KREMEN1: variants seen among roughly 807,000 people sequenced by gnomAD.
KREMEN1 encodes the protein kringle containing transmembrane protein 1, also known as kremen protein 1.
A neutral mutation model predicts 46.5 loss-of-function variants in KREMEN1; 30 were observed. The ratio of observed to expected loss-of-function variants is 0.65; its 90% CI spans 0.48 to 0.88. The LOEUF (loss-of-function observed/expected upper bound fraction) is 0.88, where lower values mean the gene tolerates loss of function less well. Ranked by LOEUF, KREMEN1 falls within the 40% of genes least tolerant of loss-of-function variation. KREMEN1 has a pLI of 0.00. For missense variants in KREMEN1, 533 were observed against 596.9 expected (o/e 0.89, Z 1.11); for synonymous variants, 214 against 230.6 (o/e 0.93, Z 0.65).
chr22:29,123,881 A>G (rs2038398009), intron 4 of KREMEN1, among the ~76,000 whole-genome samples: 1 of 152,226 alleles, frequency 6.6e-6, no homozygotes, highest in Non-Finnish European at 1.5e-5. Flanking sequence ...ATGAGATATC[A>G]CTACATACCT....
At position 29,137,196 on chromosome 22, in the gene KREMEN1, C is replaced by T. The variant is rs141921594; in HGVS notation, c.632-146C>T. On this transcript the variant is annotated intron_variant, in intron 5 of 8. Coordinates refer to ENST00000400335, the MANE Select transcript of KREMEN1 (RefSeq NM_001039570.3). The stretch of plus-strand genomic sequence containing the variant: ...TCATTTTTCGAGAGTCTCAGCGATT[C>T]GTTTTGTGACTGTCAGGTTTTACAG... 2,055 of 515,636 alleles carry T rather than the reference C, an allele frequency of 4.0e-3. 34 individuals carry two copies. The highest frequency in any genetic ancestry group is 0.036 in the African/African-American group (1,868 of 51,658). 31.9% of individuals were successfully genotyped at this position (515,636 alleles called of 1,614,324 possible). A position where few individuals can be genotyped will look rare whatever the true frequency, so the allele number is the denominator to read the frequency against.
Position 29,138,703 on chromosome 22 carries a change from CAG to C in KREMEN1, c.1045_1046del (p.Ser349CysfsTer65). On this transcript the variant is annotated frameshift_variant, in exon 7 of 9. Coordinates refer to ENST00000400335, the MANE Select transcript of KREMEN1 (RefSeq NM_001039570.3). LOFTEE classifies it high-confidence loss of function. ...AEVITEQANL[S>X]VSAARSSKVL... Reference sequence around the variant, plus strand: ...AGGTGATCACGGAGCAGGCCAACCTCAGTGTCAGCGCTGCCCGGTCCTCCAAA... The same window carrying C: ...AGGTGATCACGGAGCAGGCCAACCTCTGTCAGCGCTGCCCGGTCCTCCAAA... The C allele has an allele frequency of 6.2e-7, 1 of 1,614,232 alleles. No homozygotes were observed. The highest frequency in any genetic ancestry group is 2.2e-5 in the East Asian group (1 of 44,880).
rs1034983291 is a variant in KREMEN1, at chr22:29,146,207, G to T, written c.*4095G>T. ...TTGGGAGTTTGGATTGTTTCCTCTG[G>T]TGTCTTTGTTTACCTTCCTCACTGT... On this transcript the variant is annotated 3_prime_UTR_variant, in exon 9 of 9. Coordinates refer to ENST00000400335, the MANE Select transcript of KREMEN1 (RefSeq NM_001039570.3). 4.1e-6 allele frequency: 4 copies of T among 985,756 alleles called. No homozygotes were observed. The African/African-American group carries it at 5.2e-5, about 13-fold the overall frequency. The allele number at this position is 985,756 out of a possible 1,614,324, so 61.1% of individuals were successfully genotyped here. A position where few individuals can be genotyped will look rare whatever the true frequency, so the allele number is the denominator to read the frequency against.
At position 29,142,910 on chromosome 22, in the gene KREMEN1, G is replaced by A. The variant is rs2038788778; in HGVS notation, c.*798G>A. 3 of 970,832 alleles carry A rather than the reference G, an allele frequency of 3.1e-6. No homozygotes were observed. The African/African-American group carries it at 5.3e-5, about 17-fold the overall frequency. 60.1% of individuals were successfully genotyped at this position (970,832 alleles called of 1,614,324 possible). A position where few individuals can be genotyped will look rare whatever the true frequency, so the allele number is the denominator to read the frequency against. ...CATGCCTGTAATCCCAGCACTGTGGGAGGCTGAGGCGGGCAGATCACCTGA... is the reference window on the plus strand; with the variant it reads ...CATGCCTGTAATCCCAGCACTGTGGAAGGCTGAGGCGGGCAGATCACCTGA... On this transcript the variant is annotated 3_prime_UTR_variant, in exon 9 of 9. Transcript: ENST00000400335.
At chr22:29,129,313 C>T (rs1457607625) in intron 5 of KREMEN1, among the ~76,000 whole-genome samples, 1 of 151,826 alleles carries the variant, frequency 6.6e-6, no homozygotes, top group African/African-American at 2.4e-5. Flanking sequence ...CACCACTGTA[C>T]TCCAGCCTGG....
At chr22:29,104,402 T>C (rs1026014224) in intron 3 of KREMEN1, among the ~76,000 whole-genome samples, 1 of 152,102 alleles carries the variant, frequency 6.6e-6, no homozygotes, top group Non-Finnish European at 1.5e-5. Flanking sequence ...GCAATCCTCC[T>C]GCCTTGGCCT....
chr22:29,088,907 A>G (rs2037768736), intron 1 of KREMEN1, among the ~76,000 whole-genome samples: 1 of 152,128 alleles, frequency 6.6e-6, no homozygotes, highest in Admixed American at 6.5e-5. Context: ...AGCCCCTAAC[A>G]TACGCTTTCC....
intron 1 of KREMEN1, among the ~76,000 whole-genome samples, chr22:29,079,192 G>T (rs141372060): frequency 6.6e-6 from 1 of 152,298 alleles, no homozygotes; most frequent in East Asian, 1.9e-4. Context: ...ACAGAAACGT[G>T]ACTTCTCTTC....
chr22:29,112,239 C>T lies in KREMEN1; in HGVS notation c.353-9118C>T, dbSNP rs537214690. On this transcript the variant is annotated intron_variant, in intron 3 of 8. Coordinates refer to ENST00000400335, the MANE Select transcript of KREMEN1 (RefSeq NM_001039570.3). ...CAGTGCTTGCATTCACTGAGCGGATCCCAATTCCAGCTTCCTAAGAAAGAG... is the reference window on the plus strand; with the variant it reads ...CAGTGCTTGCATTCACTGAGCGGATTCCAATTCCAGCTTCCTAAGAAAGAG... Among the ~76,000 whole-genome samples the T allele has an allele frequency of 2.0e-5, 3 of 152,288 alleles. No individual in the cohort carries two copies. In the East Asian group the frequency reaches 5.8e-4, roughly 29 times the overall value.
chr22:29,089,217 G>A lies in KREMEN1; in HGVS notation c.98-5041G>A, dbSNP rs193042540. On this transcript the variant is annotated intron_variant, in intron 1 of 8. Transcript: ENST00000400335. ...CTACATCTCCACTCAGTTTTCTGAAGATGTCAAGTTTAACCTATCCAAAAC... is the reference window on the plus strand; with the variant it reads ...CTACATCTCCACTCAGTTTTCTGAAAATGTCAAGTTTAACCTATCCAAAAC... Among the ~76,000 whole-genome samples the A allele has an allele frequency of 1.5e-4, 23 of 152,266 alleles. 1 individual carries two copies. Among genetic ancestry groups the A allele is most frequent in the African/African-American group, 4.1e-4 (17 of 41,548 alleles).
intron 3 of KREMEN1, 39 bp downstream of exon 3, chr22:29,098,992 G>A: frequency 1.4e-6 from 2 of 1,472,662 alleles, no homozygotes; most frequent in Non-Finnish European, 9.5e-7. Context: ...TTACAGGACT[G>A]TGAACACTAA....
Position 29,125,361 on chromosome 22 carries a change from C to T in KREMEN1, c.576C>T (p.Cys192=). ...EAASTECNSV[C]FGDHTQPCGG... ...CCAGTACCGAATGCAACAGCGTCTG[C>T]TTCGGGGATCACACCCAACCCTGTG... The change falls in exon 5 of 9, where the codon TGC becomes TGT. Residue 192 remains cysteine (C), a synonymous_variant. Transcript: ENST00000400335. 6.2e-7 allele frequency: 1 copy of T among 1,614,204 alleles called. No individual in the cohort carries two copies. Among genetic ancestry groups the T allele is most frequent in the Non-Finnish European group, 8.5e-7 (1 of 1,180,032 alleles).
At chr22:29,162,660 C>T (rs1004105507) in intron 9 of KREMEN1, among the ~76,000 whole-genome samples, 85 of 151,642 alleles carry the variant, frequency 5.6e-4, no homozygotes, top group African/African-American at 2.0e-3. Flanking sequence ...TGCAGTGAAC[C>T]GAGATTGTGC....
intron 5 of KREMEN1, among the ~76,000 whole-genome samples, chr22:29,136,825 A>C (rs2038665229): frequency 6.6e-6 from 1 of 152,144 alleles, no homozygotes; most frequent in Non-Finnish European, 1.5e-5. Context: ...GTGGTCCCTC[A>C]TGGGAGCGTT....
rs531304233 is a variant in KREMEN1 at position 29,100,258 on chromosome 22, G to A, written c.352+1305G>A. Among the ~76,000 whole-genome samples the A allele has an allele frequency of 2.0e-5, 3 of 152,256 alleles. No individual in the cohort carries two copies. The South Asian group carries it at 6.2e-4, about 32-fold the overall frequency. On this transcript the variant is annotated intron_variant, in intron 3 of 8. Coordinates refer to ENST00000400335, the MANE Select transcript of KREMEN1 (RefSeq NM_001039570.3). ...AGCCTCCCGAGTAGCTGGGATTACA[G>A]GCATGTGCCACCACGCCCGGCTAAT... is the stretch of plus-strand genomic sequence containing the variant.
intron 1 of KREMEN1, among the ~76,000 whole-genome samples, chr22:29,092,765 T>A (rs560926873): frequency 6.6e-6 from 1 of 152,234 alleles, no homozygotes; most frequent in East Asian, 1.9e-4. Flanking sequence ...CACTTGAGGT[T>A]GGGAGTTTGA....
At position 29,145,355 on chromosome 22, in the gene KREMEN1, G is replaced by A. The variant is rs2038840330; in HGVS notation, c.*3243G>A. On this transcript the variant is annotated 3_prime_UTR_variant, in exon 9 of 9. Coordinates refer to ENST00000400335, the MANE Select transcript of KREMEN1 (RefSeq NM_001039570.3). ...CAGGGGAGGGGCTTCGGGGACCACT[G>A]TGGACAGAGCTCTGAAAGCACCCTG... is the stretch of plus-strand genomic sequence containing the variant. 1 of 985,504 alleles carries A rather than the reference G, an allele frequency of 1.0e-6. No individual in the cohort carries two copies. Among genetic ancestry groups the A allele is most frequent in the African/African-American group, 1.7e-5 (1 of 57,240 alleles). 61.0% of individuals were successfully genotyped at this position (985,504 alleles called of 1,614,324 possible).
At chr22:29,126,438 AT>A (rs2038443910) in intron 5 of KREMEN1, among the ~76,000 whole-genome samples, 3 of 152,182 alleles carry the variant, frequency 2.0e-5, no homozygotes, top group Admixed American at 2.0e-4. Context: ...GATCCTTGGC[AT>A]TTGTTGGCTG....
intron 3 of KREMEN1, among the ~76,000 whole-genome samples, chr22:29,104,884 A>G (rs1242297635): frequency 2.6e-5 from 4 of 152,192 alleles, no homozygotes; most frequent in Non-Finnish European, 4.4e-5. Context: ...ACAGAGCAAG[A>G]CTCCATTTCA....
Sources: allele counts gnomAD v4.1 joint callset (sites outside exome capture counted in the v4.1 genomes callset), GRCh38; gene constraint gnomAD v4.1.1; transcripts MANE v1.5; gene names NCBI Gene and HGNC (gene_info 2026-07-23, HGNC 2026-07-21).